PAPPA2: variants seen among roughly 807,000 people sequenced by gnomAD.
PAPPA2 encodes pappalysin 2.
In PAPPA2, 86 loss-of-function variants were observed where a neutral mutation model predicts 176.4. The observed-to-expected ratio is 0.49, with a 90% CI of 0.41 to 0.58. The LOEUF is 0.58. PAPPA2 is among the 20% of genes least tolerant of loss of function. The probability of loss-of-function intolerance (pLI) is 0.00; values close to 1 mark genes in which losing one functional copy is unlikely to be tolerated. For missense variants in PAPPA2, 2,073 were observed against 2,256.9 expected (o/e 0.92, Z 1.65); for synonymous variants, 809 against 852.2 (o/e 0.95, Z 0.88).
chr1:176,799,930 T>C (rs1446126791), intron 20 of PAPPA2, 131 bp from the exon 21 acceptor site: 2 of 874,992 alleles, frequency 2.3e-6, no homozygotes, highest in African/African-American at 3.3e-5. Context: ...ATCCACTTTA[T>C]GGGACACAAT....
chr1:176,615,131 G>A lies in PAPPA2; in HGVS notation c.1991+19536G>A, dbSNP rs192747482. Among the ~76,000 whole-genome samples, 8 of 152,260 alleles carry A rather than the reference G, an allele frequency of 5.3e-5. No individual in the cohort carries two copies. The East Asian group carries it at 1.5e-3, about 29-fold the overall frequency. ...TTAAAGAGCATATTCTATATGTTCT[G>A]TACAAGACAAAGGCAACATTTTGCT... On this transcript the variant is annotated intron_variant, in intron 3 of 22. Coordinates refer to ENST00000367662, the MANE Select transcript of PAPPA2 (RefSeq NM_020318.3).
At chr1:176,550,234 A>G (rs962547785) in intron 1 of PAPPA2, among the ~76,000 whole-genome samples, 1 of 152,254 alleles carries the variant, frequency 6.6e-6, no homozygotes, top group Non-Finnish European at 1.5e-5. Context: ...CATCTGTAAG[A>G]TGGGCATTAA....
At chr1:176,738,266 G>C (rs1349607168) in intron 12 of PAPPA2, among the ~76,000 whole-genome samples, 2 of 152,000 alleles carry the variant, frequency 1.3e-5, no homozygotes, top group Admixed American at 6.6e-5. Context: ...TAAAAAGGGG[G>C]GGAAAGACAC....
chr1:176,607,423 A>G (rs1654676980), intron 3 of PAPPA2, among the ~76,000 whole-genome samples: 1 of 152,132 alleles, frequency 6.6e-6, no homozygotes, highest in Non-Finnish European at 1.5e-5. Flanking sequence ...TGTGAGGTCA[A>G]CTTTTTTAGC....
intron 3 of PAPPA2, among the ~76,000 whole-genome samples, chr1:176,605,465 A>G (rs2102668829): frequency 6.6e-6 from 1 of 152,330 alleles, no homozygotes; most frequent in East Asian, 1.9e-4. Flanking sequence ...TCTAAATCTT[A>G]GTTCATTCTC....
At chr1:176,520,205 C>T (rs1481292677) in intron 1 of PAPPA2, among the ~76,000 whole-genome samples, 2 of 152,208 alleles carry the variant, frequency 1.3e-5, no homozygotes, top group Non-Finnish European at 2.9e-5. Flanking sequence ...TCTTGCTTCT[C>T]CCCTCTCCAC....
At position 176,756,091 on chromosome 1, in the gene PAPPA2, T is replaced by G. The variant is rs559728162; in HGVS notation, c.4152-9575T>G. Among the ~76,000 whole-genome samples, 8 of 152,240 alleles carry G rather than the reference T, an allele frequency of 5.3e-5. No individual in the cohort carries two copies. The East Asian group carries it at 1.5e-3, about 29-fold the overall frequency. ...CTCCTGCCTCAGTCTCCCAAGTAGC[T>G]AGGATTACAGGCATGTGCCATCACG... On this transcript the variant is annotated intron_variant, in intron 14 of 22. Coordinates refer to ENST00000367662, the MANE Select transcript of PAPPA2 (RefSeq NM_020318.3).
chr1:176,772,603 G>C (rs1483257047), intron 17 of PAPPA2, among the ~76,000 whole-genome samples: 1 of 152,178 alleles, frequency 6.6e-6, no homozygotes, highest in African/African-American at 2.4e-5. Flanking sequence ...TTCCACCAGA[G>C]GGAAGGGCCA....
intron 1 of PAPPA2, among the ~76,000 whole-genome samples, chr1:176,514,764 T>A (rs1003646430): frequency 3.9e-5 from 6 of 152,216 alleles, no homozygotes; most frequent in African/African-American, 1.4e-4. Flanking sequence ...TAGGCATGCC[T>A]AGGACTAAAA....
In PAPPA2 at chr1:176,557,016, A is replaced by G; in HGVS notation, c.694A>G (p.Lys232Glu). The G allele has an allele frequency of 6.2e-7, 1 of 1,614,086 alleles. No homozygotes were observed. Among genetic ancestry groups the G allele is most frequent in the Non-Finnish European group, 8.5e-7 (1 of 1,180,000 alleles). ...WPKHSLKHRV[K>E]KSPPEESNQN... ...CAAGCATTCCCTTAAACACAGGGTC[A>G]AAAAGAGTCCACCGGAGGAAAGCAA... Residue 232 changes from lysine (K) to glutamate (E), a missense_variant, in exon 2 of 23, where the codon AAA becomes GAA. Lys to Glu is a moderately conservative substitution (Grantham distance 56, BLOSUM62 1). This residue lies in a region of PAPPA2 where 1,196 missense variants were observed against 1,330.4 expected (regional missense o/e 0.90). Transcript: ENST00000367662.
At chr1:176,636,089 T>A (rs10913225) in intron 3 of PAPPA2, among the ~76,000 whole-genome samples, 37,922 of 152,060 alleles carry the variant, frequency 0.25, 4,866 homozygotes, top group South Asian at 0.33. Flanking sequence ...TGTGGCATCT[T>A]CATAAAATGG....
intron 1 of PAPPA2, among the ~76,000 whole-genome samples, chr1:176,544,190 C>T (rs1650504237): frequency 6.6e-6 from 1 of 152,146 alleles, no homozygotes; most frequent in African/African-American, 2.4e-5. Flanking sequence ...GTAACTGAGA[C>T]CTGCTGATTT....
chr1:176,464,752 C>G (rs1651536129), intron 1 of PAPPA2, among the ~76,000 whole-genome samples: 1 of 152,162 alleles, frequency 6.6e-6, no homozygotes, highest in Non-Finnish European at 1.5e-5. Flanking sequence ...TTCTTCTTAA[C>G]TAGTTCACTG....
At chr1:176,841,422 CCCACACAA>C (rs1667485375) in intron 22 of PAPPA2, among the ~76,000 whole-genome samples, 1 of 152,084 alleles carries the variant, frequency 6.6e-6, no homozygotes, top group East Asian at 1.9e-4. Context: ...GGAAAATTTC[CCCACACAA>C]CCCCACCCAT....
chr1:176,668,817 G>A (rs1010638026), intron 3 of PAPPA2, among the ~76,000 whole-genome samples: 5 of 152,060 alleles, frequency 3.3e-5, no homozygotes, highest in Admixed American at 6.6e-5. Flanking sequence ...TGTATCTCTG[G>A]GAAGTACAGG....
At chr1:176,823,582 ACT>A (rs1315631983) in intron 21 of PAPPA2, among the ~76,000 whole-genome samples, 6 of 152,170 alleles carry the variant, frequency 3.9e-5, no homozygotes, top group Non-Finnish European at 8.8e-5. Flanking sequence ...GTCTGGTATA[ACT>A]CTCTAGAGCA....
chr1:176,683,000 G>A (rs114296569), intron 4 of PAPPA2, among the ~76,000 whole-genome samples: 2,359 of 148,244 alleles, frequency 0.016, 38 homozygotes, highest in Middle Eastern at 0.051. Context: ...TTCTCAAGTT[G>A]CCCAAAGCTA....
intron 21 of PAPPA2, among the ~76,000 whole-genome samples, chr1:176,800,726 G>C (rs1339455299): frequency 1.3e-5 from 2 of 152,172 alleles, no homozygotes; most frequent in African/African-American, 4.8e-5. Context: ...ACTCTCTCCA[G>C]TTAGCACAGC....
intron 21 of PAPPA2, 71 bp from the exon 22 acceptor site, chr1:176,840,101 TG>T: frequency 8.3e-7 from 1 of 1,198,846 alleles, no homozygotes; most frequent in Non-Finnish European, 1.2e-6. Flanking sequence ...TACGCTGGGA[TG>T]GGAGGAGTGG....
Sources: gnomAD v4.1 joint callset for allele counts (sites outside exome capture counted in the v4.1 genomes callset) on GRCh38, gnomAD v4.1.1 for gene constraint, gnomAD v4.1.1 regional missense constraint, MANE v1.5 for transcripts, NCBI Gene and HGNC (gene_info 2026-07-23, HGNC 2026-07-21) for gene names.